The following NEK7 variants were observed in gnomAD, a reference collection of about 807,000 sequenced individuals.
NEK7 encodes NIMA related kinase 7.
In NEK7, 18 loss-of-function variants were observed where a neutral mutation model predicts 44.6. The ratio of observed to expected loss-of-function variants is 0.40; its 90% CI spans 0.28 to 0.60. The LOEUF (loss-of-function observed/expected upper bound fraction) is 0.60, where lower values mean the gene tolerates loss of function less well. NEK7 is among the 20% of genes least tolerant of loss of function. NEK7 has a pLI of 0.38. For synonymous variants in NEK7, 130 were observed against 121.1 expected (o/e 1.07, Z -0.48); for missense variants, 256 against 366.5 (o/e 0.70, Z 2.46).
At chr1:198,305,620 C>A (rs1346961369) in intron 9 of NEK7, among the ~76,000 whole-genome samples, 1 of 152,160 alleles carries the variant, frequency 6.6e-6, no homozygotes, top group Non-Finnish European at 1.5e-5. Flanking sequence ...ACTGCCATTT[C>A]ATGAGTCAGA....
intron 5 of NEK7, chr1:198,277,731 A>G: frequency 5.5e-6 from 2 of 364,078 alleles, no homozygotes; most frequent in Non-Finnish European, 4.9e-6. Flanking sequence ...GGACATCACA[A>G]AAAGGTACTG....
At chr1:198,268,589 T>C (rs1335603828) in intron 5 of NEK7, among the ~76,000 whole-genome samples, 1 of 152,112 alleles carries the variant, frequency 6.6e-6, no homozygotes, top group Non-Finnish European at 1.5e-5. Context: ...CATCAGTCTT[T>C]AAGACGTTAG....
At chr1:198,267,266 A>T (rs1341918206) in intron 5 of NEK7, among the ~76,000 whole-genome samples, 1 of 150,290 alleles carries the variant, frequency 6.7e-6, no homozygotes, top group Non-Finnish European at 1.5e-5. Flanking sequence ...ATGCACACAC[A>T]CCTGTTCCTC....
At chr1:198,293,616 GA>G (rs1340523369) in intron 8 of NEK7, among the ~76,000 whole-genome samples, 2 of 151,854 alleles carry the variant, frequency 1.3e-5, no homozygotes, top group Non-Finnish European at 3.0e-5. Context: ...AGGTCCTCTA[GA>G]AATGTTGCAC....
chr1:198,306,044 TG>T (rs559206598), intron 9 of NEK7, among the ~76,000 whole-genome samples: 14 of 152,310 alleles, frequency 9.2e-5, no homozygotes, highest in African/African-American at 3.4e-4. Context: ...ATCCAGGCTT[TG>T]CCCCTTATGC....
intron 1 of NEK7, among the ~76,000 whole-genome samples, chr1:198,186,364 C>T (rs1003957756): frequency 3.3e-5 from 5 of 152,078 alleles, no homozygotes; most frequent in African/African-American, 1.2e-4. Context: ...GTTTCAAAGG[C>T]CAGGATATTG....
intron 5 of NEK7, among the ~76,000 whole-genome samples, chr1:198,270,710 A>G (rs961848140): frequency 3.9e-5 from 6 of 152,108 alleles, no homozygotes; most frequent in East Asian, 1.9e-4. Flanking sequence ...TTATACATAC[A>G]TAAGATTAAT....
intron 1 of NEK7, among the ~76,000 whole-genome samples, chr1:198,232,042 G>A (rs1388540790): frequency 2.0e-5 from 3 of 152,096 alleles, no homozygotes; most frequent in Admixed American, 6.6e-5. Context: ...TGGATGAAAT[G>A]CTTTATAATT....
In NEK7 at chr1:198,295,806, CTATTATTATTAT is replaced by C. The variant is rs35583566; in HGVS notation, c.685-1298_685-1287del. Among the ~76,000 whole-genome samples, 20 of 146,448 alleles carry C rather than the reference CTATTATTATTAT, an allele frequency of 1.4e-4. 1 individual carries two copies. Among genetic ancestry groups the C allele is most frequent in the South Asian group, 6.5e-4 (3 of 4,618 alleles). On this transcript the variant is annotated intron_variant, in intron 8 of 9. Coordinates refer to ENST00000367385, the MANE Select transcript of NEK7 (RefSeq NM_133494.3). Reference sequence around the variant, plus strand: ...GTCCTTGCATTTAAAACAAAAACCACTATTATTATTATTATTATTATTATTATTATTATTGTG... The same window carrying C: ...GTCCTTGCATTTAAAACAAAAACCACTATTATTATTATTATTATTATTGTG...
At chr1:198,258,417 G>A (rs1165706711) in intron 3 of NEK7, among the ~76,000 whole-genome samples, 1 of 152,066 alleles carries the variant, frequency 6.6e-6, no homozygotes, top group Admixed American at 6.6e-5. Context: ...CCAGCCTGGA[G>A]ACAAAGCAAG....
chr1:198,175,501 G>C (rs915422509), intron 1 of NEK7, among the ~76,000 whole-genome samples: 1 of 152,158 alleles, frequency 6.6e-6, no homozygotes, highest in Non-Finnish European at 1.5e-5. Context: ...GAATTCAGTA[G>C]AATGTTTTTT....
chr1:198,218,501 A>G (rs541982477), intron 1 of NEK7, among the ~76,000 whole-genome samples: 1 of 152,108 alleles, frequency 6.6e-6, no homozygotes, highest in African/African-American at 2.4e-5. Flanking sequence ...TCTTCTGGAC[A>G]TTGATCTAGG....
chr1:198,171,296 C>T (rs1034508820), intron 1 of NEK7, among the ~76,000 whole-genome samples: 3 of 151,966 alleles, frequency 2.0e-5, no homozygotes, highest in Non-Finnish European at 4.4e-5. Context: ...TAAAGAAATG[C>T]TTCTCTAGCC....
At chr1:198,255,591 T>G (rs1653232220) in intron 3 of NEK7, among the ~76,000 whole-genome samples, 1 of 152,200 alleles carries the variant, frequency 6.6e-6, no homozygotes, top group South Asian at 2.1e-4. Context: ...AAGTGTGAGT[T>G]AATTTGCACA....
chr1:198,177,462 G>A (rs1337166683), intron 1 of NEK7, among the ~76,000 whole-genome samples: 2 of 151,970 alleles, frequency 1.3e-5, no homozygotes, highest in Non-Finnish European at 2.9e-5. Flanking sequence ...TATTTTCAAC[G>A]TTCAGAGACA....
chr1:198,210,283 G>A (rs887296910), intron 1 of NEK7, among the ~76,000 whole-genome samples: 62 of 152,218 alleles, frequency 4.1e-4, no homozygotes, highest in African/African-American at 1.4e-3. Context: ...ATGGGGTCTT[G>A]CTATGTTGCT....
At chr1:198,210,412 T>C (rs1665727509) in intron 1 of NEK7, among the ~76,000 whole-genome samples, 1 of 152,196 alleles carries the variant, frequency 6.6e-6, no homozygotes, top group African/African-American at 2.4e-5. Flanking sequence ...ATTTTCAATC[T>C]AGTGTTCTAT....
chr1:198,161,298 T>G (rs1002922319), intron 1 of NEK7, among the ~76,000 whole-genome samples: 2 of 152,210 alleles, frequency 1.3e-5, no homozygotes, highest in Non-Finnish European at 2.9e-5. Context: ...ATTCACAATT[T>G]TTTTCTCTGA....
At chr1:198,301,288 C>T (rs1036218201) in intron 9 of NEK7, among the ~76,000 whole-genome samples, 3 of 152,178 alleles carry the variant, frequency 2.0e-5, no homozygotes, top group South Asian at 4.1e-4. Context: ...CTGTGGCTCA[C>T]GCCTGTAGTC....
Sources: gnomAD v4.1 joint callset for allele counts (sites outside exome capture counted in the v4.1 genomes callset) on GRCh38, gnomAD v4.1.1 for gene constraint, MANE v1.5 for transcripts, NCBI Gene and HGNC (gene_info 2026-07-23, HGNC 2026-07-21) for gene names.